BBS9: variants seen among roughly 807,000 people sequenced by gnomAD.
BBS9 encodes the protein protein PTHB1.
Under a neutral mutation model 117.7 loss-of-function variants are expected in BBS9, and 89 were observed. That is an observed-to-expected ratio of 0.76 (90% CI 0.64 to 0.90). The LOEUF (loss-of-function observed/expected upper bound fraction) is 0.90. BBS9 is among the 40% of genes least tolerant of loss of function. The pLI is 0.00. For missense variants in BBS9, 982 were observed against 1,042.2 expected (o/e 0.94, Z 0.80); for synonymous variants, 379 against 370.9 (o/e 1.02, Z -0.25).
intron 9 of BBS9, among the ~76,000 whole-genome samples, chr7:33,334,837 G>A (rs79737609): frequency 0.059 from 8,994 of 152,214 alleles, 297 homozygotes; most frequent in African/African-American, 0.082. Context: ...AGTCTCCTGC[G>A]TCCTAGTCTA....
At chr7:33,180,469 A>T (rs1239807064) in intron 5 of BBS9, among the ~76,000 whole-genome samples, 4 of 149,440 alleles carry the variant, frequency 2.7e-5, no homozygotes, top group Non-Finnish European at 5.9e-5. Flanking sequence ...CAACAATTCT[A>T]CCTCAGCCTC....
chr7:33,397,994 A>T (rs1584654133), intron 19 of BBS9, among the ~76,000 whole-genome samples: 2 of 152,284 alleles, frequency 1.3e-5, no homozygotes, highest in East Asian at 3.9e-4. Context: ...TTGAAGAAAA[A>T]AAAATAAAAA....
intron 19 of BBS9, among the ~76,000 whole-genome samples, chr7:33,457,670 TTAGC>T (rs1459607158): frequency 5.3e-5 from 8 of 152,200 alleles, no homozygotes; most frequent in Admixed American, 1.3e-4. Context: ...TGAATTTTCC[TTAGC>T]TAGCTGATGA....
At position 33,253,066 on chromosome 7, in the gene BBS9, C is replaced by T. The variant is rs188185373; in HGVS notation, c.443-4170C>T. On this transcript the variant is annotated intron_variant, in intron 5 of 22. Coordinates refer to ENST00000242067, the MANE Select transcript of BBS9 (RefSeq NM_198428.3). Reference sequence around the variant, plus strand: ...GAGAATATTCTCTTACATTTCACAACGCCATGATCACTTAAGAAAATTAGC... The same window carrying T: ...GAGAATATTCTCTTACATTTCACAATGCCATGATCACTTAAGAAAATTAGC... 5.2e-3 allele frequency among the ~76,000 whole-genome samples: 787 copies of T among 152,230 alleles called. 10 individuals are homozygous for T. Among genetic ancestry groups the T allele is most frequent in the African/African-American group, 0.018 (738 of 41,546 alleles).
Position 33,451,105 on chromosome 7 carries a change from G to T in BBS9, c.2116-54358G>T, listed in dbSNP as rs573045560. 9.9e-4 allele frequency among the ~76,000 whole-genome samples: 151 copies of T among 152,134 alleles called. 1 individual carries two copies. The Middle Eastern group carries it at 0.01, about 10-fold the overall frequency. ...GGGTTTCATCATGTTAGCCAGGATG[G>T]TCTCGATCTCCTGACCTCGTGATCT... On this transcript the variant is annotated intron_variant, in intron 19 of 22. Transcript: ENST00000242067.
chr7:33,215,709 A>G (rs1216244596), intron 5 of BBS9, among the ~76,000 whole-genome samples: 1 of 152,202 alleles, frequency 6.6e-6, no homozygotes, highest in East Asian at 1.9e-4. Context: ...AGCTATTTGA[A>G]TGGAACTGGG....
At chr7:33,565,844 T>TATATATATATATA (rs5883407) in intron 21 of BBS9, among the ~76,000 whole-genome samples, 49 of 80,016 alleles carry the variant, frequency 6.1e-4, no homozygotes, top group South Asian at 1.0e-3. Flanking sequence ...TATATACTGC[T>TATATATATATATA]TATATATATA....
intron 19 of BBS9, among the ~76,000 whole-genome samples, chr7:33,468,792 T>A (rs1214285086): frequency 6.6e-6 from 1 of 152,122 alleles, no homozygotes; most frequent in East Asian, 1.9e-4. Context: ...TATTTCAATT[T>A]AATGTCCCCC....
chr7:33,390,213 T>G, intron 19 of BBS9: 1 of 983,586 alleles, frequency 1.0e-6, no homozygotes, highest in Non-Finnish European at 1.2e-6. Context: ...ACCTTGTATT[T>G]AATGATGCTG....
intron 7 of BBS9, among the ~76,000 whole-genome samples, chr7:33,268,373 G>A (rs990292690): frequency 6.6e-6 from 1 of 152,134 alleles, no homozygotes; most frequent in East Asian, 1.9e-4. Context: ...TCCAGACTCT[G>A]AGTATCCATC....
intron 19 of BBS9, among the ~76,000 whole-genome samples, chr7:33,467,121 G>A (rs4510745): frequency 0.75 from 114,248 of 151,868 alleles, 43,409 homozygotes; most frequent in African/African-American, 0.86. Context: ...TACCTTTTCA[G>A]TGGGGGCGGA....
At chr7:33,168,760 A>G (rs1055976941) in intron 4 of BBS9, among the ~76,000 whole-genome samples, 2 of 152,056 alleles carry the variant, frequency 1.3e-5, no homozygotes, top group African/African-American at 2.4e-5. Context: ...TTTAACACAT[A>G]TCTTTGTGCT....
In BBS9 at chr7:33,152,790, T is replaced by C; in HGVS notation, c.202T>C (p.Leu68=). The change falls in exon 3 of 23, where the codon TTG becomes CTG. Residue 68 remains leucine, a synonymous_variant. Transcript: ENST00000242067. ...AGGAGATGGAGCTCAAGCCGAAGATTTGCTTCTAGAAGTGGATCTACGAGA... is the reference window on the plus strand; with the variant it reads ...AGGAGATGGAGCTCAAGCCGAAGATCTGCTTCTAGAAGTGGATCTACGAGA... The part of the protein sequence containing the change: ...KTGDGAQAED[L]LLEVDLRDPV... 1 of 1,613,954 alleles carries C rather than the reference T, an allele frequency of 6.2e-7. No individual in the cohort carries two copies. Among genetic ancestry groups the C allele is most frequent in the Middle Eastern group, 1.7e-4 (1 of 6,060 alleles).
At chr7:33,423,724 T>C (rs1451407474) in intron 19 of BBS9, among the ~76,000 whole-genome samples, 2 of 152,198 alleles carry the variant, frequency 1.3e-5, no homozygotes, top group Non-Finnish European at 2.9e-5. Context: ...TTTCTGTTCC[T>C]TCTTCAAAGA....
intron 20 of BBS9, among the ~76,000 whole-genome samples, chr7:33,531,365 C>G (rs1470354130): frequency 6.6e-6 from 1 of 152,116 alleles, no homozygotes; most frequent in Admixed American, 6.5e-5. Flanking sequence ...AGAATGTAAT[C>G]CAACTGCCAA....
intron 21 of BBS9, among the ~76,000 whole-genome samples, chr7:33,603,531 T>C (rs929623458): frequency 6.6e-6 from 1 of 152,156 alleles, no homozygotes; most frequent in Non-Finnish European, 1.5e-5. Flanking sequence ...ATAATAATAA[T>C]ACCTATTTCA....
At chr7:33,595,855 G>A (rs1441268034) in intron 21 of BBS9, among the ~76,000 whole-genome samples, 1 of 152,144 alleles carries the variant, frequency 6.6e-6, no homozygotes, top group Non-Finnish European at 1.5e-5. Context: ...AAATGAATGA[G>A]ATCATGTCCT....
intron 5 of BBS9, among the ~76,000 whole-genome samples, chr7:33,235,082 G>C (rs1186572826): frequency 6.6e-6 from 1 of 152,130 alleles, no homozygotes; most frequent in Non-Finnish European, 1.5e-5. Context: ...TTAAGTAAGG[G>C]ATTCTATTGG....
chr7:33,630,625 A>G (rs1865846843), intron 21 of BBS9, among the ~76,000 whole-genome samples: 1 of 152,174 alleles, frequency 6.6e-6, no homozygotes, highest in Non-Finnish European at 1.5e-5. Context: ...AAGAGTCTTC[A>G]GCAGATCCTC....
Sources: allele counts gnomAD v4.1 joint callset (sites outside exome capture counted in the v4.1 genomes callset), GRCh38; gene constraint gnomAD v4.1.1; transcripts MANE v1.5; gene names NCBI Gene and HGNC (gene_info 2026-07-23, HGNC 2026-07-21).